APLP2: variants seen among roughly 807,000 people sequenced by gnomAD.
APLP2 encodes CDEI box-binding protein.
In APLP2, 53 loss-of-function variants were observed where a neutral mutation model predicts 89.9. The observed-to-expected ratio is 0.59, with a 90% CI of 0.47 to 0.74. APLP2 has a LOEUF of 0.74. Ranked by LOEUF, APLP2 falls within the 30% of genes least tolerant of loss-of-function variation. The pLI, the probability that APLP2 is intolerant of heterozygous loss-of-function variation, is 0.00. For missense variants in APLP2, 973 were observed against 975.9 expected, an observed-to-expected ratio of 1.00 and a Z score of 0.04; for synonymous variants, 372 against 348.6, an observed-to-expected ratio of 1.07 and a Z score of -0.75.
chr11:130,070,613 A>C (rs912104242), intron 1 of APLP2: 14 of 1,420,522 alleles, frequency 9.9e-6, no homozygotes, highest in Non-Finnish European at 1.2e-5. Context: ...CGCGGCAGGG[A>C]TGCTGCGAGC....
In APLP2 at chr11:130,127,850, C is replaced by T. The variant is rs779606473; in HGVS notation, c.1296+10C>T. ...GCAGACTCTGATTCAGGTAAGATGC[C>T]TTCTCTGGGGACATAGCTTTCAGCC... On this transcript the variant is annotated intron_variant, in intron 9 of 16. Transcript: ENST00000338167. 7 of 1,612,562 alleles carry T rather than the reference C, an allele frequency of 4.3e-6. No homozygotes were observed. Among genetic ancestry groups the T allele is most frequent in the African/African-American group, 1.3e-5 (1 of 75,022 alleles).
chr11:130,110,011 A>AT (rs1424295201), intron 2 of APLP2, among the ~76,000 whole-genome samples: 2 of 152,136 alleles, frequency 1.3e-5, no homozygotes, highest in African/African-American at 4.8e-5. Context: ...ACTTGTATTT[A>AT]TTTTTTCTGA....
At chr11:130,135,984 G>A (rs535833293) in intron 13 of APLP2, among the ~76,000 whole-genome samples, 1 of 152,294 alleles carries the variant, frequency 6.6e-6, no homozygotes, top group East Asian at 1.9e-4. Context: ...TCCAACTTGT[G>A]CACTTCCTTA....
intron 1 of APLP2, among the ~76,000 whole-genome samples, chr11:130,107,472 A>AAAG (rs767886889): frequency 6.6e-6 from 1 of 152,190 alleles, no homozygotes; most frequent in Non-Finnish European, 1.5e-5. Context: ...CAATTGCTTC[A>AAAG]AAGAGAACAA....
intron 6 of APLP2, 23 bp downstream of exon 6, chr11:130,122,536 C>T: frequency 6.2e-7 from 1 of 1,613,650 alleles, no homozygotes; most frequent in Non-Finnish European, 8.5e-7. Flanking sequence ...AGAGCCATGG[C>T]TTTGAAATCC....
chr11:130,101,864 T>G, intron 1 of APLP2: 1 of 444,658 alleles, frequency 2.2e-6, no homozygotes, highest in South Asian at 1.6e-5. Context: ...ACTAATGTCC[T>G]TTTCCTGTTC....
intron 4 of APLP2, among the ~76,000 whole-genome samples, chr11:130,121,386 G>A (rs529615209): frequency 6.6e-6 from 1 of 152,194 alleles, no homozygotes; most frequent in South Asian, 2.1e-4. Context: ...CCACATTTGG[G>A]ATTTCAGTAT....
chr11:130,130,859 C>A (rs1950871185), intron 11 of APLP2, among the ~76,000 whole-genome samples: 1 of 152,168 alleles, frequency 6.6e-6, no homozygotes, highest in Non-Finnish European at 1.5e-5. Context: ...GGCCTGTCAG[C>A]CCAGAAACCC....
intron 1 of APLP2, among the ~76,000 whole-genome samples, chr11:130,072,882 C>T (rs1941391152): frequency 6.6e-6 from 1 of 152,202 alleles, no homozygotes; most frequent in South Asian, 2.1e-4. Context: ...GTTTTACCAT[C>T]TAAAGCCAGG....
At position 130,101,478 on chromosome 11, in the gene APLP2, G is replaced by A. The variant is rs560860540; in HGVS notation, c.106-7951G>A. ...TGAGATTATAGGCGTGAGCCATCGC[G>A]CCCAGCCCGTGTGTTTAGAATAATA... is the stretch of plus-strand genomic sequence containing the variant. On this transcript the variant is annotated intron_variant, in intron 1 of 16. Coordinates refer to ENST00000338167, the MANE Select transcript of APLP2 (RefSeq NM_001142276.2). 1.4e-3 allele frequency: 183 copies of A among 128,958 alleles called. 2 individuals carry two copies. In the Middle Eastern group the frequency reaches 0.038, roughly 27 times the overall value. 8.0% of individuals were successfully genotyped at this position (128,958 alleles called of 1,614,324 possible).
At chr11:130,070,718 G>T (rs910393290) in intron 1 of APLP2, 41 of 1,477,044 alleles carry the variant, frequency 2.8e-5, no homozygotes, top group Non-Finnish European at 3.5e-5. Context: ...CTGTTTGCCT[G>T]CGTCCGTAGA....
At chr11:130,108,485 G>A (rs1948100459) in intron 1 of APLP2, 1 of 152,194 alleles carries the variant, frequency 6.6e-6, no homozygotes, top group Non-Finnish European at 1.5e-5. Context: ...TCAGAGAAAT[G>A]CAAATCAAAA....
At chr11:130,097,973 T>C (rs1351967811) in intron 1 of APLP2, among the ~76,000 whole-genome samples, 1 of 152,208 alleles carries the variant, frequency 6.6e-6, no homozygotes, top group Non-Finnish European at 1.5e-5. Flanking sequence ...GCACAACACA[T>C]GCACACTAGA....
intron 1 of APLP2, among the ~76,000 whole-genome samples, chr11:130,086,585 G>A (rs746189464): frequency 2.0e-5 from 3 of 151,986 alleles, no homozygotes; most frequent in Non-Finnish European, 2.9e-5. Context: ...TTAAGAAATC[G>A]TTGTGAAATA....
At chr11:130,096,908 G>T (rs1192465477) in intron 1 of APLP2, among the ~76,000 whole-genome samples, 1 of 152,182 alleles carries the variant, frequency 6.6e-6, no homozygotes, top group Non-Finnish European at 1.5e-5. Flanking sequence ...GCAGCAAGCA[G>T]TAAATATACT....
chr11:130,109,235 T>A, intron 1 of APLP2, 194 bp from the exon 2 acceptor site: 1 of 424,390 alleles, frequency 2.4e-6, no homozygotes, highest in Non-Finnish European at 4.0e-6. Context: ...CCTTTGCCTT[T>A]CACTTTGATC....
chr11:130,132,619 T>TAAA (rs1555144885), intron 11 of APLP2, among the ~76,000 whole-genome samples: 5 of 137,548 alleles, frequency 3.6e-5, no homozygotes, highest in Non-Finnish European at 8.0e-5. Context: ...TTTTTTTTTT[T>TAAA]AAATAATGAA....
intron 3 of APLP2, among the ~76,000 whole-genome samples, chr11:130,116,128 A>G (rs961034495): frequency 6.6e-6 from 1 of 152,022 alleles, no homozygotes; most frequent in Admixed American, 6.5e-5. Context: ...ATCATGTGCT[A>G]CTTTTAGGGA....
Position 130,141,846 on chromosome 11 carries a change from C to T in APLP2, c.1999-73C>T, listed in dbSNP as rs1045920398. On this transcript the variant is annotated intron_variant, in intron 15 of 16. Coordinates refer to ENST00000338167, the MANE Select transcript of APLP2 (RefSeq NM_001142276.2). The surrounding 1 kb of genome is among the most constrained non-coding windows in gnomAD (Gnocchi z 4.2). ...GGCTCGACCTTCCAGGAGCGTGGCCCTCAGTGAGTTACTTGCCTCACGGCT... is the reference window on the plus strand; with the variant it reads ...GGCTCGACCTTCCAGGAGCGTGGCCTTCAGTGAGTTACTTGCCTCACGGCT... 6.5e-7 allele frequency: 1 copy of T among 1,534,100 alleles called. No individual in the cohort carries two copies. The highest frequency in any genetic ancestry group is 8.9e-7 in the Non-Finnish European group (1 of 1,129,188).
Sources: allele counts gnomAD v4.1 joint callset (sites outside exome capture counted in the v4.1 genomes callset), GRCh38; gene constraint gnomAD v4.1.1; non-coding constraint Gnocchi (gnomAD v3.1); transcripts MANE v1.5; gene names NCBI Gene and HGNC (gene_info 2026-07-23, HGNC 2026-07-21).